The following ACTR2 variants were observed in gnomAD, a reference collection of about 807,000 sequenced individuals.
ACTR2 encodes the protein actin related protein 2.
ACTR2 carries 5 observed loss-of-function variants against 50.2 expected under a neutral mutation model. The ratio of observed to expected loss-of-function variants is 0.10; its 90% confidence interval spans 0.05 to 0.21. ACTR2 has a LOEUF of 0.21. ACTR2 is among the 10% of genes least tolerant of loss of function. The probability of loss-of-function intolerance (pLI) is 1.00; values close to 1 mark genes in which losing one functional copy is unlikely to be tolerated. For synonymous variants in ACTR2, 140 were observed against 162.9 expected (o/e 0.86, Z 1.07); for missense variants, 180 against 480.6 (o/e 0.37, Z 5.85).
intron 1 of ACTR2, among the ~76,000 whole-genome samples, chr2:65,237,301 C>G (rs893045665): frequency 6.6e-6 from 1 of 152,152 alleles, no homozygotes; most frequent in Non-Finnish European, 1.5e-5. Flanking sequence ...CAGGGTCTCA[C>G]ATGATCACGG....
At chr2:65,256,598 G>A (rs1176841477) in intron 6 of ACTR2, among the ~76,000 whole-genome samples, 4 of 152,238 alleles carry the variant, frequency 2.6e-5, no homozygotes, top group Middle Eastern at 3.4e-3. Context: ...TTGGCCGGGC[G>A]CGGTGGCTCA....
In ACTR2 at chr2:65,268,802, C is replaced by T. The variant is rs1672432906; in HGVS notation, c.*68C>T. 4 of 1,506,984 alleles carry T rather than the reference C, an allele frequency of 2.7e-6. No individual in the cohort carries two copies. The South Asian group carries it at 3.8e-5, about 14-fold the overall frequency. 93.4% of individuals were successfully genotyped at this position (1,506,984 alleles called of 1,614,324 possible). ...TTCCTTTATTGCCAATCTTTGAACTCATTCAACTCCAGGACATGGAAGAGG... is the reference window on the plus strand; with the variant it reads ...TTCCTTTATTGCCAATCTTTGAACTTATTCAACTCCAGGACATGGAAGAGG... On this transcript the variant is annotated 3_prime_UTR_variant, in exon 9 of 9. Coordinates refer to ENST00000260641, the MANE Select transcript of ACTR2 (RefSeq NM_005722.4).
chr2:65,243,445 C>T (rs2103993639), intron 2 of ACTR2, among the ~76,000 whole-genome samples: 1 of 152,114 alleles, frequency 6.6e-6, no homozygotes, highest in South Asian at 2.1e-4. Context: ...TCCTGGGCAA[C>T]ATGGCAAGAC....
At chr2:65,229,739 AGACTCCGTCTC>A (rs1237297779) in intron 1 of ACTR2, among the ~76,000 whole-genome samples, 174 of 144,800 alleles carry the variant, frequency 1.2e-3, no homozygotes, top group Middle Eastern at 0.01. Context: ...CGACAGAGCA[AGACTCCGTCTC>A]AAAAAAAAAA....
At chr2:65,267,860 CTCTTT>C (rs1672404603) in intron 8 of ACTR2, among the ~76,000 whole-genome samples, 1 of 62,686 alleles carries the variant, frequency 1.6e-5, no homozygotes, top group African/African-American at 5.7e-5. Context: ...CATGCAAGTC[CTCTTT>C]TTTTTTTTTT....
intron 6 of ACTR2, among the ~76,000 whole-genome samples, chr2:65,258,329 A>G (rs533071725): frequency 2.0e-5 from 3 of 152,288 alleles, no homozygotes; most frequent in South Asian, 2.1e-4. Flanking sequence ...TAATCCCAGC[A>G]CTTTGGGAGG....
At position 65,231,962 on chromosome 2, in the gene ACTR2, T is replaced by G. The variant is rs557639451; in HGVS notation, c.48+4005T>G. On this transcript the variant is annotated intron_variant, in intron 1 of 8. Coordinates refer to ENST00000260641, the MANE Select transcript of ACTR2 (RefSeq NM_005722.4). Reference sequence around the variant, plus strand: ...TGGACAAGTTTGCCTGGAAACAAGTTTGTACTTACGATCACATGACCAATG... The same window carrying G: ...TGGACAAGTTTGCCTGGAAACAAGTGTGTACTTACGATCACATGACCAATG... 6.6e-5 allele frequency among the ~76,000 whole-genome samples: 10 copies of G among 152,344 alleles called. No individual in the cohort carries two copies. In the East Asian group the frequency reaches 1.9e-3, roughly 29 times the overall value.
intron 8 of ACTR2, among the ~76,000 whole-genome samples, chr2:65,265,729 G>A (rs1672357365): frequency 6.6e-6 from 1 of 152,158 alleles, no homozygotes; most frequent in Non-Finnish European, 1.5e-5. Context: ...ACTAGAAATA[G>A]TTGATGTTTC....
intron 7 of ACTR2, 123 bp from the exon 8 acceptor site, chr2:65,264,920 A>C (rs532711285): frequency 1.8e-6 from 2 of 1,098,804 alleles, no homozygotes; most frequent in East Asian, 2.4e-5. Context: ...CAGCCCTGTG[A>C]TTTACATGTG....
At chr2:65,238,258 T>G (rs1316930217) in intron 1 of ACTR2, among the ~76,000 whole-genome samples, 1 of 152,216 alleles carries the variant, frequency 6.6e-6, no homozygotes, top group Non-Finnish European at 1.5e-5. Flanking sequence ...AATATCAGCT[T>G]CTTATGTATA....
Position 65,227,909 on chromosome 2 carries a change from G to A in ACTR2, c.-1G>A. On this transcript the variant is annotated 5_prime_UTR_variant, in exon 1 of 9. Coordinates refer to ENST00000260641, the MANE Select transcript of ACTR2 (RefSeq NM_005722.4). ...TGCAGCGGCTCTTCCCTGGGCGGAC[G>A]ATGGACAGCCAGGGCAGGAAGGTGG... 1 of 1,523,358 alleles carries A rather than the reference G, an allele frequency of 6.6e-7. No homozygotes were observed. Among genetic ancestry groups the A allele is most frequent in the Non-Finnish European group, 8.8e-7 (1 of 1,136,002 alleles). 94.4% of individuals were successfully genotyped at this position (1,523,358 alleles called of 1,614,324 possible).
intron 1 of ACTR2, among the ~76,000 whole-genome samples, chr2:65,229,950 T>G (rs920436767): frequency 6.6e-6 from 1 of 152,062 alleles, no homozygotes; most frequent in Non-Finnish European, 1.5e-5. Flanking sequence ...CATATGAAAG[T>G]TTTGGAGGGA....
At chr2:65,253,655 C>T in intron 4 of ACTR2, 73 bp from the exon 5 acceptor site, 1 of 1,506,818 alleles carries the variant, frequency 6.6e-7, no homozygotes, top group Admixed American at 1.9e-5. Context: ...GGCTTCCCTA[C>T]TGTATTTGGA....
At chr2:65,250,981 G>A (rs753901904) in intron 3 of ACTR2, 46 bp from the exon 4 acceptor site, 2 of 1,329,896 alleles carry the variant, frequency 1.5e-6, no homozygotes, top group Admixed American at 2.0e-5. Flanking sequence ...TATTTATTAT[G>A]TAATTTTCTA....
intron 6 of ACTR2, among the ~76,000 whole-genome samples, chr2:65,256,599 C>T (rs754410786): frequency 2.0e-5 from 3 of 152,106 alleles, no homozygotes; most frequent in African/African-American, 4.8e-5. Context: ...TGGCCGGGCG[C>T]GGTGGCTCAC....
intron 2 of ACTR2, among the ~76,000 whole-genome samples, chr2:65,241,758 G>A (rs1671844051): frequency 6.6e-6 from 1 of 152,074 alleles, no homozygotes. Context: ...TGGAATTCCT[G>A]TGCTTAGTAT....
chr2:65,263,827 C>T (rs1253107448), intron 7 of ACTR2, among the ~76,000 whole-genome samples: 2 of 151,830 alleles, frequency 1.3e-5, no homozygotes, highest in South Asian at 2.1e-4. Context: ...ATCACGAGGC[C>T]GGCGAATCAC....
chr2:65,264,820 T>C (rs1672342367), intron 7 of ACTR2, among the ~76,000 whole-genome samples: 2 of 152,236 alleles, frequency 1.3e-5, no homozygotes, highest in Admixed American at 1.3e-4. Flanking sequence ...TTATATACTT[T>C]TAGAAGTATT....
intron 1 of ACTR2, among the ~76,000 whole-genome samples, chr2:65,234,060 G>C (rs1331098917): frequency 6.6e-6 from 1 of 151,978 alleles, no homozygotes; most frequent in Non-Finnish European, 1.5e-5. Context: ...ACAGGTGTGT[G>C]TCACCACGCC....
Sources: allele counts gnomAD v4.1 joint callset (sites outside exome capture counted in the v4.1 genomes callset), GRCh38; gene constraint gnomAD v4.1.1; transcripts MANE v1.5; gene names NCBI Gene and HGNC (gene_info 2026-07-23, HGNC 2026-07-21).